IL1RAPL1: variants seen among roughly 807,000 people sequenced by gnomAD.
The protein encoded by IL1RAPL1 is interleukin-1 receptor accessory protein-like 1.
In IL1RAPL1, 3 loss-of-function variants were observed where a neutral mutation model predicts 48.4. That is an observed-to-expected ratio of 0.06 (90% CI 0.03 to 0.16). The LOEUF (loss-of-function observed/expected upper bound fraction) is 0.16, where lower values mean the gene tolerates loss of function less well. Ranked by LOEUF, IL1RAPL1 falls within the 10% of genes least tolerant of loss-of-function variation. The pLI is 1.00. For missense variants in IL1RAPL1, 349 were observed against 530.6 expected, an observed-to-expected ratio of 0.66 and a Z score of 3.36; for synonymous variants, 185 against 187.7, an observed-to-expected ratio of 0.99 and a Z score of 0.12.
rs191389845 is a variant in IL1RAPL1, at chrX:29,030,504, G to A, written c.82+241079G>A. ...TTTTTTACCTTTTTATGTTTTGCCT[G>A]TATATGTTTTACCTTTTACAAGATA... On this transcript the variant is annotated intron_variant, in intron 2 of 10. Coordinates refer to ENST00000378993, the MANE Select transcript of IL1RAPL1 (RefSeq NM_014271.4). Among the ~76,000 whole-genome samples the A allele has an allele frequency of 7.0e-4, 78 of 111,225 alleles. 1 individual carries two copies. Among genetic ancestry groups the A allele is most frequent in the Non-Finnish European group, 9.5e-5 (5 of 52,886 alleles).
intron 5 of IL1RAPL1, among the ~76,000 whole-genome samples, chrX:29,540,545 A>T (rs1012094796): frequency 3.6e-5 from 4 of 112,074 alleles, no homozygotes; most frequent in African/African-American, 1.3e-4. Flanking sequence ...ATAAGGCTGC[A>T]GTAGCTTAAA....
intron 2 of IL1RAPL1, among the ~76,000 whole-genome samples, chrX:28,945,626 C>T (rs183699525): frequency 9.1e-6 from 1 of 110,280 alleles, no homozygotes; most frequent in African/African-American, 3.3e-5. Context: ...AGAGAAAGAG[C>T]ATTAGGACAA....
intron 2 of IL1RAPL1, among the ~76,000 whole-genome samples, chrX:29,264,522 A>G (rs1931918706): frequency 9.0e-6 from 1 of 111,267 alleles, no homozygotes. Context: ...ACAAGAAAAG[A>G]TTCAAAGTTG....
intron 2 of IL1RAPL1, among the ~76,000 whole-genome samples, chrX:28,820,610 G>A (rs935181148): frequency 9.0e-6 from 1 of 111,383 alleles, no homozygotes; most frequent in African/African-American, 3.3e-5. Context: ...TTTTTAAGTC[G>A]GAAGAGTTTC....
At chrX:29,449,788 G>C (rs867006706) in intron 5 of IL1RAPL1, among the ~76,000 whole-genome samples, 1 of 91,684 alleles carries the variant, frequency 1.1e-5, no homozygotes, top group East Asian at 4.3e-4. Flanking sequence ...CACAGAGAGA[G>C]AGAGAGAGAG....
At chrX:28,652,431 C>A (rs1342439656) in intron 1 of IL1RAPL1, among the ~76,000 whole-genome samples, 1 of 111,834 alleles carries the variant, frequency 8.9e-6, no homozygotes, top group Non-Finnish European at 1.9e-5. Context: ...AGCAACCAAG[C>A]CTCTCTGTGC....
chrX:29,594,781 G>T (rs1029233985), intron 5 of IL1RAPL1, among the ~76,000 whole-genome samples: 20 of 110,541 alleles, frequency 1.8e-4, no homozygotes, highest in Non-Finnish European at 3.8e-4. Flanking sequence ...GTGGTGTTTG[G>T]TTACATGAAT....
chrX:28,919,080 A>T (rs1452576630), intron 2 of IL1RAPL1, among the ~76,000 whole-genome samples: 2 of 111,900 alleles, frequency 1.8e-5, no homozygotes, highest in East Asian at 5.6e-4. Flanking sequence ...TGTAAATGAG[A>T]TGAAAGATAC....
chrX:29,790,973 G>A lies in IL1RAPL1; in HGVS notation c.778+122469G>A, dbSNP rs375909484. Among the ~76,000 whole-genome samples, 16 of 110,609 alleles carry A rather than the reference G, an allele frequency of 1.4e-4. No homozygotes were observed. The South Asian group carries it at 1.6e-3, about 11-fold the overall frequency. On this transcript the variant is annotated intron_variant, in intron 6 of 10. Transcript: ENST00000378993. ...TGTCCTGCCACTTCCCTTTCGGGTC[G>A]CGTACCAAGCTCATTTTCATCTTGG...
intron 2 of IL1RAPL1, among the ~76,000 whole-genome samples, chrX:28,901,962 G>C (rs1420658442): frequency 9.0e-6 from 1 of 111,308 alleles, no homozygotes. Flanking sequence ...ACTCTATAGA[G>C]TAACATTTTT....
chrX:29,064,616 CT>C (rs1927412853), intron 2 of IL1RAPL1, among the ~76,000 whole-genome samples: 1 of 111,566 alleles, frequency 9.0e-6, no homozygotes, highest in Non-Finnish European at 1.9e-5. Flanking sequence ...GAGTCTCGCT[CT>C]GTCGTCCAGG....
chrX:28,752,128 A>G (rs1273749394), intron 1 of IL1RAPL1, among the ~76,000 whole-genome samples: 1 of 112,319 alleles, frequency 8.9e-6, no homozygotes, highest in Non-Finnish European at 1.9e-5. Flanking sequence ...TTTTTAAAAA[A>G]TGGGCTTTAG....
At chrX:29,320,012 A>ACAGGGGAGT (rs1932793101) in intron 3 of IL1RAPL1, among the ~76,000 whole-genome samples, 1 of 112,252 alleles carries the variant, frequency 8.9e-6, no homozygotes, top group Non-Finnish European at 1.9e-5. Flanking sequence ...ACGGGAGACA[A>ACAGGGGAGT]CAGGGGAGTC....
chrX:28,754,817 G>A (rs1459710244), intron 1 of IL1RAPL1, among the ~76,000 whole-genome samples: 1 of 111,829 alleles, frequency 8.9e-6, no homozygotes, highest in African/African-American at 3.2e-5. Flanking sequence ...AAATTCCTTC[G>A]TGAATGAAGC....
chrX:29,739,340 T>C (rs1928135595), intron 6 of IL1RAPL1, among the ~76,000 whole-genome samples: 1 of 111,758 alleles, frequency 8.9e-6, no homozygotes, highest in Non-Finnish European at 1.9e-5. Flanking sequence ...ATGTTCAGAA[T>C]TTTTTTAAAT....
chrX:29,116,786 C>T (rs184925891), intron 2 of IL1RAPL1, among the ~76,000 whole-genome samples: 1 of 111,191 alleles, frequency 9.0e-6, no homozygotes, highest in African/African-American at 3.3e-5. Flanking sequence ...AATAAAAGTG[C>T]TTTGTGTAAT....
At chrX:29,597,742 A>T (rs181494887) in intron 5 of IL1RAPL1, among the ~76,000 whole-genome samples, 1 of 111,582 alleles carries the variant, frequency 9.0e-6, no homozygotes, top group Admixed American at 9.5e-5. Flanking sequence ...GAGTTTCTTT[A>T]TCTTTCTGGT....
intron 2 of IL1RAPL1, among the ~76,000 whole-genome samples, chrX:29,161,416 A>G (rs1428869968): frequency 8.9e-6 from 1 of 112,308 alleles, no homozygotes; most frequent in Admixed American, 9.5e-5. Flanking sequence ...ATTGAAGCTA[A>G]CGTATTAGGA....
intron 5 of IL1RAPL1, among the ~76,000 whole-genome samples, chrX:29,405,032 C>T (rs1022144449): frequency 4.6e-5 from 5 of 109,273 alleles, no homozygotes; most frequent in Non-Finnish European, 7.6e-5. Context: ...TCCTGCCTCA[C>T]CCTCCCGAGT....
Sources: gnomAD v4.1 joint callset for allele counts (sites outside exome capture counted in the v4.1 genomes callset) on GRCh38, gnomAD v4.1.1 for gene constraint, MANE v1.5 for transcripts, NCBI Gene and HGNC (gene_info 2026-07-23, HGNC 2026-07-21) for gene names.